DTNB: variants seen among roughly 807,000 people sequenced by gnomAD.
The protein encoded by DTNB is DTN-B.
In DTNB, 63 loss-of-function variants were observed where a neutral mutation model predicts 90.7. The observed-to-expected ratio is 0.69, with a 90% CI of 0.57 to 0.86. The LOEUF (loss-of-function observed/expected upper bound fraction) is 0.86, where lower values mean the gene tolerates loss of function less well. DTNB is among the 40% of genes least tolerant of loss of function. The pLI, the probability that DTNB is intolerant of heterozygous loss-of-function variation, is 0.00. For synonymous variants in DTNB, 277 were observed against 286.7 expected (o/e 0.97, Z 0.34); for missense variants, 744 against 807.1 (o/e 0.92, Z 0.95).
chr2:25,392,108 A>G (rs2041279008), intron 16 of DTNB, among the ~76,000 whole-genome samples: 1 of 152,040 alleles, frequency 6.6e-6, no homozygotes, highest in African/African-American at 2.4e-5. Context: ...ACAAAACAAT[A>G]CAAAAGATAA....
intron 12 of DTNB, among the ~76,000 whole-genome samples, chr2:25,434,399 C>CT (rs1179596539): frequency 0.021 from 1,981 of 95,444 alleles, 75 homozygotes; most frequent in African/African-American, 0.023. Flanking sequence ...ATGAACTAGT[C>CT]TTTTTTTTTT....
At chr2:25,390,091 C>T (rs562708433) in intron 16 of DTNB, among the ~76,000 whole-genome samples, 1 of 152,260 alleles carries the variant, frequency 6.6e-6, no homozygotes, top group East Asian at 1.9e-4. Context: ...CAAAATTCTG[C>T]TGTGAAACTT....
chr2:25,534,422 C>T (rs1347906006), intron 8 of DTNB, among the ~76,000 whole-genome samples: 2 of 152,124 alleles, frequency 1.3e-5, no homozygotes, highest in African/African-American at 4.8e-5. Context: ...GACACAGTAA[C>T]AATCTGATTT....
intron 10 of DTNB, among the ~76,000 whole-genome samples, chr2:25,459,937 T>A (rs1205118954): frequency 6.6e-6 from 1 of 152,086 alleles, no homozygotes; most frequent in African/African-American, 2.4e-5. Flanking sequence ...AGCAAGACCC[T>A]CGTTTCTAAA....
intron 13 of DTNB, among the ~76,000 whole-genome samples, chr2:25,433,616 C>CA (rs1181397119): frequency 2.0e-5 from 3 of 151,632 alleles, no homozygotes; most frequent in African/African-American, 7.3e-5. Context: ...TGCTGGGAAG[C>CA]AGAGTGGAAA....
intron 8 of DTNB, among the ~76,000 whole-genome samples, chr2:25,563,884 C>CT (rs373957524): frequency 4.0e-5 from 6 of 151,676 alleles, no homozygotes; most frequent in South Asian, 2.1e-4. Context: ...ATTTGCTATT[C>CT]TTTTTTTTTC....
At chr2:25,415,448 T>C (rs983141821) in intron 16 of DTNB, among the ~76,000 whole-genome samples, 6 of 152,066 alleles carry the variant, frequency 3.9e-5, no homozygotes, top group African/African-American at 1.2e-4. Flanking sequence ...GGTTTCACTA[T>C]GTTGGCCAGG....
rs1466488572 is a variant in DTNB, at chr2:25,639,046, C to T, written c.116G>A (p.Cys39Tyr). ...TCGTTTTTGTACAAATCGTAATTTG[C>T]AGGCTGTTCTGTAAGTTGATAGTCG... ...VIRLSTYRTA[C>Y]KLRFVQKRCN... Residue 39 changes from cysteine (C) to tyrosine (Y), a missense_variant, in exon 3 of 21, where the codon TGC becomes TAC. By Grantham distance (194) the Cys-to-Tyr change is radical. Transcript: ENST00000406818. The T allele has an allele frequency of 2.5e-6, 4 of 1,593,382 alleles. No homozygotes were observed. Among genetic ancestry groups the T allele is most frequent in the South Asian group, 1.1e-5 (1 of 87,776 alleles).
At chr2:25,604,382 TTCTC>T (rs1491027556) in intron 5 of DTNB, among the ~76,000 whole-genome samples, 1 of 142,390 alleles carries the variant, frequency 7.0e-6, no homozygotes, top group Admixed American at 7.2e-5. Context: ...TTTCTTTTTT[TTCTC>T]TCTCTCCCTT....
rs757432144 is a variant in DTNB, at chr2:25,464,766, GTTC to G, written c.1080-9275_1080-9273del. 3.3e-5 allele frequency among the ~76,000 whole-genome samples: 5 copies of G among 152,182 alleles called. No homozygotes were observed. The South Asian group carries it at 6.2e-4, about 19-fold the overall frequency. On this transcript the variant is annotated intron_variant, in intron 10 of 20. Transcript: ENST00000406818. ...CAGTGAGAAGGGCACTTGCCTCTGT[GTTC>G]TTCTTCCCCTAAACCCATAATCACA...
intron 1 of DTNB, among the ~76,000 whole-genome samples, chr2:25,667,166 C>G (rs1360888578): frequency 6.7e-6 from 1 of 149,912 alleles, no homozygotes; most frequent in Admixed American, 6.6e-5. Flanking sequence ...GAAAAGAAAA[C>G]AAAATCAAAA....
intron 9 of DTNB, among the ~76,000 whole-genome samples, chr2:25,517,261 G>C (rs1347270473): frequency 1.3e-5 from 2 of 152,230 alleles, no homozygotes; most frequent in Admixed American, 6.5e-5. Context: ...AAGTAGTTTG[G>C]TGATTGCCTT....
intron 12 of DTNB, among the ~76,000 whole-genome samples, chr2:25,438,839 T>C (rs1024551472): frequency 2.0e-5 from 3 of 152,210 alleles, no homozygotes; most frequent in Admixed American, 2.0e-4. Context: ...CTCATGTTGA[T>C]AGTAGGTACC....
intron 7 of DTNB, among the ~76,000 whole-genome samples, chr2:25,578,055 T>TGAACAACTC (rs1452315981): frequency 6.6e-6 from 1 of 152,124 alleles, no homozygotes; most frequent in African/African-American, 2.4e-5. Context: ...AAATCTTCAT[T>TGAACAACTC]GAACAACTCT....
intron 10 of DTNB, among the ~76,000 whole-genome samples, chr2:25,470,369 ATTTTTTTT>A (rs71397496): frequency 7.5e-6 from 1 of 132,780 alleles, no homozygotes; most frequent in Non-Finnish European, 1.6e-5. Context: ...TTACACGACA[ATTTTTTTT>A]TTTTTTTTTT....
intron 9 of DTNB, among the ~76,000 whole-genome samples, chr2:25,503,790 A>T (rs1391103370): frequency 6.6e-6 from 1 of 151,592 alleles, no homozygotes; most frequent in Non-Finnish European, 1.5e-5. Context: ...GGTGGCGGGC[A>T]CCTGTAGTCC....
chr2:25,636,048 G>A (rs2077057529), intron 3 of DTNB, among the ~76,000 whole-genome samples: 2 of 152,126 alleles, frequency 1.3e-5, no homozygotes, highest in South Asian at 4.1e-4. Flanking sequence ...AATATGGGAA[G>A]ACTCTTTAGC....
chr2:25,482,104 T>C (rs2065088880), intron 10 of DTNB, among the ~76,000 whole-genome samples: 1 of 152,216 alleles, frequency 6.6e-6, no homozygotes, highest in Non-Finnish European at 1.5e-5. Flanking sequence ...AAAGAATTCT[T>C]TAATGGCCAT....
At chr2:25,383,777 G>A in intron 19 of DTNB, 59 bp downstream of exon 19, 1 of 1,613,760 alleles carries the variant, frequency 6.2e-7, no homozygotes, top group Admixed American at 1.7e-5. Flanking sequence ...GTGGGGGGCG[G>A]CTGATCCATG....
Sources: gnomAD v4.1 joint callset for allele counts (sites outside exome capture counted in the v4.1 genomes callset) on GRCh38, gnomAD v4.1.1 for gene constraint, MANE v1.5 for transcripts, NCBI Gene and HGNC (gene_info 2026-07-23, HGNC 2026-07-21) for gene names.